The following ZNF782 variants were observed in gnomAD, a reference collection of about 807,000 sequenced individuals.
ZNF782 encodes the protein zinc finger protein 782.
A neutral mutation model predicts 13.0 loss-of-function variants in ZNF782; 12 were observed. The ratio of observed to expected loss-of-function variants is 0.92; its 90% CI spans 0.59 to 1.50. ZNF782 has a LOEUF of 1.50. Among genes scored for constraint, ZNF782 ranks in the 40% most tolerant of loss-of-function variants. The probability of loss-of-function intolerance (pLI) is 0.00; values close to 1 mark genes in which losing one functional copy is unlikely to be tolerated. For missense variants in ZNF782, 770 were observed against 822.9 expected (o/e 0.94, Z 0.79); for synonymous variants, 284 against 283.0 (o/e 1.00, Z -0.04).
rs2118245596 is a variant in ZNF782, at chr9:96,818,401, T to C, written c.1622A>G (p.Lys541Arg). Residue 541 changes from lysine (K) to arginine (R), a missense_variant, in exon 6 of 6, where the codon AAA becomes AGA. Transcript: ENST00000481138. ...GAGTTGTGATTTCTGACCGAAAGCT[T>C]TTCCACACTGATTACATTTGTAGGG... ...EKPYKCNQCG[K>R]AFGQKSQLRG... 6.2e-7 allele frequency: 1 copy of C among 1,614,026 alleles called. No individual in the cohort carries two copies. The highest frequency in any genetic ancestry group is 8.5e-7 in the Non-Finnish European group (1 of 1,179,990).
the ZNF782 span, among the ~76,000 whole-genome samples, chr9:96,922,400 C>T: frequency 0.049 from 7,401 of 151,754 alleles, 232 homozygotes; most frequent in African/African-American, 0.16. Context: ...ATTTTAACTT[C>T]ATTCTACTTT....
At chr9:96,878,138 T>C (rs1389646679), upstream of ZNF782, among the ~76,000 whole-genome samples, 1 of 152,162 alleles carries the variant, frequency 6.6e-6, no homozygotes, top group Non-Finnish European at 1.5e-5. Flanking sequence ...AACCTCTGCT[T>C]CCCGGGTTCA....
the ZNF782 span, chr9:96,932,561 A>C: frequency 7.6e-7 from 1 of 1,314,112 alleles, no homozygotes; most frequent in Non-Finnish European, 1.1e-6. Context: ...GTACATTTTC[A>C]GCAACATTAA....
the ZNF782 span, chr9:96,929,026 T>C: frequency 6.2e-7 from 1 of 1,610,492 alleles, no homozygotes; most frequent in Non-Finnish European, 8.5e-7. Context: ...CCTGAGGGGA[T>C]GGCTTCAAAT....
chr9:96,833,035 T>C (rs1850856855), intron 4 of ZNF782, among the ~76,000 whole-genome samples: 1 of 152,196 alleles, frequency 6.6e-6, no homozygotes, highest in South Asian at 2.1e-4. Flanking sequence ...TCTATTGTTC[T>C]GTCATAAAGT....
the ZNF782 span, among the ~76,000 whole-genome samples, chr9:96,916,492 G>GA: frequency 1.5e-4 from 22 of 146,350 alleles, no homozygotes; most frequent in East Asian, 2.0e-4. Flanking sequence ...CTGTCTCTGG[G>GA]AAAAAAAAAA....
At chr9:96,930,973 C>A in the ZNF782 span, among the ~76,000 whole-genome samples, 1 of 142,770 alleles carries the variant, frequency 7.0e-6, no homozygotes, top group Middle Eastern at 4.0e-3. Context: ...CGGCTCACTG[C>A]AGCCTCTGCC....
rs1431468663 is a variant in ZNF782 at position 96,817,306 on chromosome 9, A to T, written c.*617T>A. ...TTAGGCCAGGTGTGGCATGAGGGAG[A>T]AGTGAAAATGATTACTAGTGAACAT... is the stretch of plus-strand genomic sequence containing the variant. On this transcript the variant is annotated 3_prime_UTR_variant, in exon 6 of 6. Coordinates refer to ENST00000481138, the MANE Select transcript of ZNF782 (RefSeq NM_001001662.3). 2 of 152,230 alleles carry T rather than the reference A, an allele frequency of 1.3e-5. No individual in the cohort carries two copies. Among genetic ancestry groups the T allele is most frequent in the East Asian group, 3.8e-4 (2 of 5,200 alleles). The allele number at this position is 152,230 out of a possible 1,614,324, so 9.4% of individuals were successfully genotyped here.
chr9:96,860,602 A>G (rs945604659), intron 2 of ZNF782, among the ~76,000 whole-genome samples: 1 of 152,236 alleles, frequency 6.6e-6, no homozygotes, highest in Non-Finnish European at 1.5e-5. Flanking sequence ...AAATGTATAT[A>G]CAACTACAAA....
chr9:96,864,040 AAT>A (rs766987031), intron 1 of ZNF782, among the ~76,000 whole-genome samples: 2 of 150,712 alleles, frequency 1.3e-5, no homozygotes, highest in Admixed American at 1.3e-4. Context: ...TTGGTAAACA[AAT>A]ATATATATAT....
chr9:96,851,912 T>A lies in ZNF782; in HGVS notation c.15+35A>T, dbSNP rs113699967. ...CCTATCTAAACCTCATAAAATCCATTACAATACAAAGTGGGGAATGAATAA... is the reference window on the plus strand; with the variant it reads ...CCTATCTAAACCTCATAAAATCCATAACAATACAAAGTGGGGAATGAATAA... On this transcript the variant is annotated intron_variant, in intron 3 of 5. Coordinates refer to ENST00000481138, the MANE Select transcript of ZNF782 (RefSeq NM_001001662.3). 14 of 1,606,798 alleles carry A rather than the reference T, an allele frequency of 8.7e-6. No homozygotes were observed. In the South Asian group the frequency reaches 1.5e-4, roughly 18 times the overall value.
At chr9:96,873,098 AAG>A (rs1369134110) in intron 1 of ZNF782, among the ~76,000 whole-genome samples, 1 of 152,112 alleles carries the variant, frequency 6.6e-6, no homozygotes, top group East Asian at 1.9e-4. Flanking sequence ...TTTTAGAACT[AAG>A]AGTCTAGCCA....
chr9:96,906,541 CTT>C, the ZNF782 span, among the ~76,000 whole-genome samples: 2 of 151,590 alleles, frequency 1.3e-5, no homozygotes, highest in East Asian at 3.9e-4. Flanking sequence ...CAGGAAGACA[CTT>C]AACTTTTAAC....
chr9:96,881,963 T>C, the ZNF782 span, among the ~76,000 whole-genome samples: 1 of 150,508 alleles, frequency 6.6e-6, no homozygotes, highest in East Asian at 1.9e-4. Context: ...TTGGATTGTA[T>C]AAAATGAACT....
intron 1 of ZNF782, among the ~76,000 whole-genome samples, chr9:96,867,811 C>T (rs1021351623): frequency 2.0e-5 from 3 of 152,170 alleles, no homozygotes; most frequent in African/African-American, 7.2e-5. Context: ...TTCTGCTTGT[C>T]CCAAACTTGG....
At chr9:96,909,291 GTGATTC>G in the ZNF782 span, among the ~76,000 whole-genome samples, 1 of 151,920 alleles carries the variant, frequency 6.6e-6, no homozygotes, top group Admixed American at 6.6e-5. Flanking sequence ...CTGACTGACT[GTGATTC>G]TGATGATGAG....
the ZNF782 span, among the ~76,000 whole-genome samples, chr9:96,903,857 C>T: frequency 3.3e-5 from 5 of 151,868 alleles, no homozygotes; most frequent in South Asian, 2.1e-4. Flanking sequence ...CCTCCGCACC[C>T]GGCCATAACT....
the ZNF782 span, among the ~76,000 whole-genome samples, chr9:96,887,210 A>T: frequency 3.3e-5 from 5 of 150,810 alleles, no homozygotes; most frequent in Non-Finnish European, 7.4e-5. Flanking sequence ...GCTACTCGGG[A>T]GGCTGAGGCA....
the ZNF782 span, among the ~76,000 whole-genome samples, chr9:96,913,969 G>T: frequency 7.0e-6 from 1 of 143,104 alleles, no homozygotes; most frequent in Non-Finnish European, 1.5e-5. Context: ...GCGAGACCTT[G>T]TCTCAAAAAA....
Sources: allele counts gnomAD v4.1 joint callset (sites outside exome capture counted in the v4.1 genomes callset), GRCh38; gene constraint gnomAD v4.1.1; transcripts MANE v1.5; gene names NCBI Gene and HGNC (gene_info 2026-07-23, HGNC 2026-07-21).